The following SERPINB6 variants were observed in gnomAD, a reference collection of about 807,000 sequenced individuals.
SERPINB6 encodes serpin B6.
Under a neutral mutation model 26.1 loss-of-function variants are expected in SERPINB6, and 16 were observed. The ratio of observed to expected loss-of-function variants is 0.61; its 90% CI spans 0.42 to 0.93. SERPINB6 has a LOEUF of 0.93. SERPINB6 is among the 40% of genes least tolerant of loss of function. The probability of loss-of-function intolerance (pLI) is 0.00; values close to 1 mark genes in which losing one functional copy is unlikely to be tolerated. For missense variants in SERPINB6, 420 were observed against 478.0 expected (o/e 0.88, Z 1.13); for synonymous variants, 174 against 176.6 (o/e 0.99, Z 0.11).
At chr6:2,960,840 T>C (rs1214982527) in intron 1 of SERPINB6, 1 of 152,242 alleles carries the variant, frequency 6.6e-6, no homozygotes, top group African/African-American at 2.4e-5. Context: ...GCTCTTGAGA[T>C]GGGAGATTAT....
intron 5 of SERPINB6, 22 bp from the exon 6 acceptor site, chr6:2,949,091 A>T (rs1454819749): frequency 1.9e-6 from 3 of 1,612,654 alleles, no homozygotes; most frequent in Non-Finnish European, 2.5e-6. Flanking sequence ...ACAGATAAAC[A>T]TCAAGTTGAA....
intron 1 of SERPINB6, among the ~76,000 whole-genome samples, chr6:2,966,051 G>A (rs955967074): frequency 6.6e-6 from 1 of 152,182 alleles, no homozygotes; most frequent in Non-Finnish European, 1.5e-5. Flanking sequence ...AATGAAATAC[G>A]GAGTTTTCCT....
intron 1 of SERPINB6, among the ~76,000 whole-genome samples, chr6:2,962,634 C>A (rs1771240611): frequency 6.6e-6 from 1 of 152,204 alleles, no homozygotes. Context: ...TAATGATATT[C>A]CATTTCTTAG....
chr6:2,971,243 C>G, intron 1 of SERPINB6: 1 of 927,078 alleles, frequency 1.1e-6, no homozygotes, highest in Non-Finnish European at 1.3e-6. Flanking sequence ...CCACGCACGA[C>G]TCACCCGGCC....
At chr6:2,970,610 A>C (rs1772049755) in intron 1 of SERPINB6, 2 of 1,221,506 alleles carry the variant, frequency 1.6e-6, no homozygotes, top group Non-Finnish European at 2.0e-6. Context: ...CCAGAAAGCA[A>C]AAGTGCCCAA....
At chr6:2,961,987 A>G in intron 1 of SERPINB6, 9 of 983,318 alleles carry the variant, frequency 9.2e-6, no homozygotes, top group Non-Finnish European at 1.1e-5. Flanking sequence ...CAGCCTCCCA[A>G]GGTGCTGAGA....
intron 1 of SERPINB6, chr6:2,964,045 G>C (rs141100130): frequency 7.2e-5 from 11 of 152,324 alleles, no homozygotes; most frequent in African/African-American, 2.4e-4. Context: ...TCCTGCTCCA[G>C]CATAAGCCCA....
intron 1 of SERPINB6, among the ~76,000 whole-genome samples, chr6:2,965,404 G>A (rs1184693044): frequency 1.3e-5 from 2 of 150,354 alleles, no homozygotes; most frequent in African/African-American, 5.0e-5. Flanking sequence ...CCAATTTATA[G>A]TTTGGCAGGC....
chr6:2,952,655 GGCT>G (rs1198540184), intron 5 of SERPINB6, among the ~76,000 whole-genome samples: 1 of 152,236 alleles, frequency 6.6e-6, no homozygotes, highest in Non-Finnish European at 1.5e-5. Context: ...CAATTCAGCA[GGCT>G]GAGTTGTTCC....
In SERPINB6 at chr6:2,955,568, T is replaced by C. The variant is rs2295769; in HGVS notation, c.268A>G (p.Met90Val). 0.29 allele frequency: 461,969 copies of C among 1,613,874 alleles called. 68,999 individuals carry two copies. Among genetic ancestry groups the C allele is most frequent in the Middle Eastern group, 0.32 (1,959 of 6,060 alleles). ...NKTGTQYLLR[M>V]ANRLFGEKSC... is the part of the protein sequence containing the mutation. The stretch of plus-strand genomic sequence containing the variant: ...TTTTCCCCAAAGAGCCTGTTGGCCA[T>C]CCTAAGCAAGTACTGCGTGCCAGTC... The change falls in exon 3 of 7, where the codon ATG becomes GTG. Residue 90 changes from methionine (M) to valine (V), a missense_variant. Transcript: ENST00000380539.
At chr6:2,950,598 T>C (rs1016121210) in intron 5 of SERPINB6, among the ~76,000 whole-genome samples, 10 of 149,708 alleles carry the variant, frequency 6.7e-5, no homozygotes, top group Non-Finnish European at 1.3e-4. Flanking sequence ...ATAAACGAAT[T>C]AATGAGCTGG....
In SERPINB6 at chr6:2,954,651, A is replaced by C. The variant is rs1269010644; in HGVS notation, c.371T>G (p.Ile124Ser). 1 of 1,614,116 alleles carries C rather than the reference A, an allele frequency of 6.2e-7. No homozygotes were observed. Among genetic ancestry groups the C allele is most frequent in the African/African-American group, 1.3e-5 (1 of 75,016 alleles). ...TTTTCTGGACTTCTCTACGGCGCTG[A>C]TAAAGTCAAGCTCCTCCATCTCTGC... ...YQAEMEELDF[I>S]SAVEKSRKHI... is the part of the protein sequence containing the mutation. The change falls in exon 4 of 7, where the codon ATC becomes AGC. Residue 124 changes from isoleucine (I) to serine (S), a missense_variant. Coordinates refer to ENST00000380539, the MANE Select transcript of SERPINB6 (RefSeq NM_004568.6).
Position 2,967,061 on chromosome 6 carries a change from C to A in SERPINB6, c.-11+4472G>T. On this transcript the variant is annotated intron_variant, in intron 1 of 6. Coordinates refer to ENST00000380539, the MANE Select transcript of SERPINB6 (RefSeq NM_004568.6). This position sits in a 1 kb window ranked among gnomAD's most constrained non-coding sequence, Gnocchi z 4.3. Reference sequence around the variant, plus strand: ...GACTGATATCATCTGGGACTTCTCACCTTTCTCCAGGCTGTGACACACACA... The same window carrying A: ...GACTGATATCATCTGGGACTTCTCAACTTTCTCCAGGCTGTGACACACACA... 1.0e-6 allele frequency: 1 copy of A among 985,498 alleles called. No homozygotes were observed. The highest frequency in any genetic ancestry group is 4.7e-5 in the South Asian group (1 of 21,288). The allele number at this position is 985,498 out of a possible 1,614,324, so 61.0% of individuals were successfully genotyped here.
At chr6:2,951,397 AAAAAT>A (rs1769785718) in intron 5 of SERPINB6, among the ~76,000 whole-genome samples, 1 of 150,900 alleles carries the variant, frequency 6.6e-6, no homozygotes, top group African/African-American at 2.4e-5. Flanking sequence ...GGAAAAAATA[AAAAAT>A]AAAAAAAAAA....
rs774754668 is a variant in SERPINB6, at chr6:2,948,530, G to T, written c.899C>A (p.Ala300Glu). The T allele has an allele frequency of 3.7e-6, 6 of 1,614,150 alleles. No homozygotes were observed. The highest frequency in any genetic ancestry group is 5.1e-6 in the Non-Finnish European group (6 of 1,180,030). ...TGTCTGGGACATTCCAGAGAAGTCT[G>T]CCTTGCCCAGCTCGAAGGCATCAGT... ...GMTDAFELGK[A>E]DFSGMSQTDL... The change falls in exon 7 of 7, where the codon GCA becomes GAA. Residue 300 changes from alanine (A) to glutamate (E), a missense_variant. By Grantham distance (107) the Ala-to-Glu change is moderately radical. Coordinates refer to ENST00000380539, the MANE Select transcript of SERPINB6 (RefSeq NM_004568.6). This position sits in a 1 kb window ranked among gnomAD's most constrained non-coding sequence, Gnocchi z 5.0.
chr6:2,953,960 G>A (rs916106821), intron 4 of SERPINB6, among the ~76,000 whole-genome samples: 4 of 152,002 alleles, frequency 2.6e-5, no homozygotes, highest in African/African-American at 9.7e-5. Flanking sequence ...AACCTGGGAG[G>A]CAGAGGTTGC....
At chr6:2,968,752 A>G in intron 1 of SERPINB6, 2 of 1,231,656 alleles carry the variant, frequency 1.6e-6, no homozygotes, top group Non-Finnish European at 1.0e-6. Flanking sequence ...AGAGGAAAAC[A>G]CAAACAATGC....
rs562166496 is a variant in SERPINB6 at position 2,962,280 on chromosome 6, T to C, written c.-10-2938A>G. The C allele has an allele frequency of 2.1e-5, 19 of 921,108 alleles. No homozygotes were observed. The South Asian group carries it at 4.5e-4, about 22-fold the overall frequency. The allele number at this position is 921,108 out of a possible 1,614,324, so 57.1% of individuals were successfully genotyped here. A position where few individuals can be genotyped will look rare whatever the true frequency, so the allele number is the denominator to read the frequency against. ...CTGTGTCAGGGGATTTAATTTGAAA[T>C]ACTGAACTGGAGAAACCAAAGCAGG... is the stretch of plus-strand genomic sequence containing the variant. On this transcript the variant is annotated intron_variant, in intron 1 of 6. Transcript: ENST00000380539.
At chr6:2,969,843 A>G in intron 1 of SERPINB6, 4 of 975,582 alleles carry the variant, frequency 4.1e-6, no homozygotes, top group Non-Finnish European at 3.7e-6. Context: ...TGGGAGTTAA[A>G]CATTATTTTC....
Sources: allele counts gnomAD v4.1 joint callset (sites outside exome capture counted in the v4.1 genomes callset), GRCh38; gene constraint gnomAD v4.1.1; non-coding constraint Gnocchi (gnomAD v3.1); transcripts MANE v1.5; gene names NCBI Gene and HGNC (gene_info 2026-07-23, HGNC 2026-07-21).